Variants in MYH6 observed in about 807,000 individuals in gnomAD.
MYH6 encodes the protein myosin-6.
A neutral mutation model predicts 223.2 loss-of-function variants in MYH6; 126 were observed. The ratio of observed to expected loss-of-function variants is 0.56; its 90% CI spans 0.49 to 0.65. MYH6 has a LOEUF of 0.65. Among genes scored for constraint, MYH6 ranks in the 30% least tolerant of loss-of-function variants. The pLI is 0.00. For missense variants in MYH6, 2,040 were observed against 2,536.4 expected (o/e 0.80, Z 4.20); for synonymous variants, 978 against 1,010.2 (o/e 0.97, Z 0.61).
Position 23,386,892 on chromosome 14 carries a change from C to T in MYH6, c.4651-269G>A, listed in dbSNP as rs143567683. ...AACACTGCATAAATTCCTGACCTGT[C>T]TAAAGTATTATAGAAAATGGAGGAA... On this transcript the variant is annotated intron_variant, in intron 32 of 38. Coordinates refer to ENST00000405093, the MANE Select transcript of MYH6 (RefSeq NM_002471.4). Among the ~76,000 whole-genome samples, 17 of 152,196 alleles carry T rather than the reference C, an allele frequency of 1.1e-4. No homozygotes were observed. In the East Asian group the frequency reaches 3.3e-3, roughly 29 times the overall value.
At chr14:23,388,442 G>C in intron 29 of MYH6, 104 bp from the exon 30 acceptor site, 3 of 1,538,474 alleles carry the variant, frequency 1.9e-6, no homozygotes, top group Non-Finnish European at 2.7e-6. Context: ...TTGAGACACC[G>C]TAAGTCCAGC....
At position 23,400,426 on chromosome 14, in the gene MYH6, A is replaced by G. The variant is rs576180356; in HGVS notation, c.1411T>C (p.Phe471Leu). The G allele has an allele frequency of 6.2e-7, 1 of 1,614,032 alleles. No individual in the cohort carries two copies. Among genetic ancestry groups the G allele is most frequent in the African/African-American group, 1.3e-5 (1 of 75,010 alleles). ...LDIAGFEIFD[F>L]NSFEQLCINF... ...ATGCAGAGCTGCTCAAAGCTGTTGA[A>G]CTGCAGGGGGCATGAGGGGTGGGAG... The change falls in exon 14 of 39, where the codon TTC becomes CTC. Residue 471 changes from phenylalanine (F) to leucine (L), a missense_variant and splice_region_variant. Phe to Leu is a conservative substitution (Grantham distance 22, BLOSUM62 0). Coordinates refer to ENST00000405093, the MANE Select transcript of MYH6 (RefSeq NM_002471.4).
chr14:23,397,280 A>C, intron 16 of MYH6, 23 bp from the exon 17 acceptor site: 1 of 1,608,090 alleles, frequency 6.2e-7, no homozygotes, highest in Non-Finnish European at 8.5e-7. Flanking sequence ...GAAGGTGGGG[A>C]GTTAGGAGCC....
rs963577601 is a variant in MYH6, at chr14:23,401,007, C to A, written c.1142-30G>T. 1.9e-6 allele frequency: 3 copies of A among 1,607,282 alleles called. No homozygotes were observed. In the African/African-American group the frequency reaches 4.1e-5, roughly 22 times the overall value. ...TTGAGAGGGAAAGGATAAGTGAGCA[C>A]TTCCTTTTTTTTTTTTTAAGATAGA... On this transcript the variant is annotated intron_variant, in intron 12 of 38. Coordinates refer to ENST00000405093, the MANE Select transcript of MYH6 (RefSeq NM_002471.4).
chr14:23,388,870 G>A lies in MYH6; in HGVS notation c.4164C>T (p.Leu1388=), dbSNP rs201379347. 19 of 1,613,636 alleles carry A rather than the reference G, an allele frequency of 1.2e-5. No individual in the cohort carries two copies. Among genetic ancestry groups the A allele is most frequent in the African/African-American group, 5.3e-5 (4 of 74,896 alleles). Residue 1388 remains leucine, a synonymous_variant, in exon 29 of 39, where the codon CTC becomes CTT. Coordinates refer to ENST00000405093, the MANE Select transcript of MYH6 (RefSeq NM_002471.4). ...ETDAIQRTEE[L]EEAKKKLAQR... ...TATCTGGAGCTCACTTGGCCTCTTC[G>A]AGCTCCTCAGTCCGCTGAATGGCGT...
At chr14:23,392,874 A>T in intron 24 of MYH6, 38 bp downstream of exon 24, 8 of 1,611,008 alleles carry the variant, frequency 5.0e-6, no homozygotes, top group Non-Finnish European at 6.8e-6. Context: ...CAGGCCAGAC[A>T]CCTCCATTAG....
chr14:23,389,101 C>A lies in MYH6; in HGVS notation c.3979-46G>T, dbSNP rs953055948. ...CAGGAGGTGGGAGGGACTCCCTGTGCCCCATTCTCTAGATTCTCTTCTTAT... is the reference window on the plus strand; with the variant it reads ...CAGGAGGTGGGAGGGACTCCCTGTGACCCATTCTCTAGATTCTCTTCTTAT... On this transcript the variant is annotated intron_variant, in intron 28 of 38. Coordinates refer to ENST00000405093, the MANE Select transcript of MYH6 (RefSeq NM_002471.4). 6 of 1,551,894 alleles carry A rather than the reference C, an allele frequency of 3.9e-6. No individual in the cohort carries two copies. In the East Asian group the frequency reaches 1.4e-4, roughly 35 times the overall value.
At chr14:23,402,913 A>T in intron 10 of MYH6, 113 bp from the exon 11 acceptor site, 3 of 780,796 alleles carry the variant, frequency 3.8e-6, no homozygotes, top group Non-Finnish European at 6.5e-6. Context: ...GACGGGGTGA[A>T]TGGAGGAAGG....
At chr14:23,384,812 C>T in intron 35 of MYH6, 95 bp from the exon 36 acceptor site, 1 of 1,613,338 alleles carries the variant, frequency 6.2e-7, no homozygotes, top group Non-Finnish European at 8.5e-7. Flanking sequence ...CCCTCAAATC[C>T]ACAGAACTGC....
rs779988946 is a variant in MYH6, at chr14:23,389,426, C to T, written c.3945G>A (p.Glu1315=). 2.5e-6 allele frequency: 4 copies of T among 1,614,188 alleles called. No homozygotes were observed. In the Admixed American group the frequency reaches 6.7e-5, roughly 27 times the overall value. ...RGKLSYTQQM[E]DLKRQLEEEG... ...CCTCCTCCAGCTGCCTTTTGAGGTC[C>T]TCCATTTGCTGGGTATAAGAGAGCT... The change falls in exon 28 of 39, where the codon GAG becomes GAA. Residue 1315 remains glutamate (E), a synonymous_variant. Transcript: ENST00000405093.
Position 23,393,786 on chromosome 14 carries a change from C to T in MYH6, c.2808G>A (p.Ala936=), listed in dbSNP as rs753515476. 4.2e-5 allele frequency: 67 copies of T among 1,614,096 alleles called. No homozygotes were observed. The highest frequency in any genetic ancestry group is 5.2e-5 in the Non-Finnish European group (61 of 1,180,040). ...ERLEDEEEMN[A]ELTAKKRKLE... is the part of the protein sequence containing the mutation. ...GCTTGCGCTTCTTGGCAGTGAGCTC[C>T]GCGTTCATCTCCTCCTCATCCTCCA... Residue 936 remains alanine (A), a synonymous_variant, in exon 22 of 39, where the codon GCG becomes GCA. Coordinates refer to ENST00000405093, the MANE Select transcript of MYH6 (RefSeq NM_002471.4).
intron 8 of MYH6, 68 bp from the exon 9 acceptor site, chr14:23,403,846 C>G (rs1054465587): frequency 7.3e-7 from 1 of 1,374,260 alleles, no homozygotes; most frequent in Non-Finnish European, 1.0e-6. Flanking sequence ...GCCCTCTGTT[C>G]AGCCCAGAAG....
At chr14:23,393,627 G>A in intron 22 of MYH6, 39 bp downstream of exon 22, 1 of 1,614,186 alleles carries the variant, frequency 6.2e-7, no homozygotes, top group Non-Finnish European at 8.5e-7. Flanking sequence ...TGGGAGTCTT[G>A]AGGAGACCTG....
intron 32 of MYH6, among the ~76,000 whole-genome samples, chr14:23,387,072 T>C (rs1361336719): frequency 1.3e-5 from 2 of 152,226 alleles, no homozygotes; most frequent in Admixed American, 1.3e-4. Context: ...TTAAATGTGT[T>C]ACCTCATTTA....
intron 28 of MYH6, 60 bp from the exon 29 acceptor site, chr14:23,389,115 T>G: frequency 1.3e-6 from 2 of 1,525,300 alleles, no homozygotes; most frequent in Non-Finnish European, 1.8e-6. Context: ...ATTCTCTAGA[T>G]TCTCTTCTTA....
intron 36 of MYH6, 21 bp from the exon 37 acceptor site, chr14:23,383,341 G>GGGGGGGGGGGGGCCCCCCCCCC: frequency 1.8e-6 from 1 of 556,582 alleles, no homozygotes; most frequent in East Asian, 4.9e-5. Flanking sequence ...GAGGGTGGGA[G>GGGGGGGGGGGGGCCCCCCCCCC]AAGCTGGTTT....
chr14:23,403,812 C>T (rs11850295), intron 8 of MYH6, 34 bp from the exon 9 acceptor site: 57,980 of 1,569,362 alleles, frequency 0.037, 1,437 homozygotes, highest in African/African-American at 0.11. Context: ...AGGGAACTGG[C>T]GGGAAGGACA....
At position 23,384,756 on chromosome 14, in the gene MYH6, G is replaced by A. The variant is rs773311134; in HGVS notation, c.5290-39C>T. ...AGAGGTGGCAAGGAACATGGGCCAG[G>A]GGCCGGGGCCTTTTGCCCCCCAAGG... On this transcript the variant is annotated intron_variant, in intron 35 of 38. Transcript: ENST00000405093. 7.4e-6 allele frequency: 12 copies of A among 1,614,028 alleles called. No homozygotes were observed. The East Asian group carries it at 2.7e-4, about 36-fold the overall frequency.
intron 36 of MYH6, among the ~76,000 whole-genome samples, chr14:23,384,187 A>AT (rs1323984625): frequency 7.8e-6 from 1 of 128,420 alleles, no homozygotes; most frequent in Non-Finnish European, 1.6e-5. Context: ...ACTTAGAGTT[A>AT]TTAAAAAAAA....
Sources: allele counts gnomAD v4.1 joint callset (sites outside exome capture counted in the v4.1 genomes callset), GRCh38; gene constraint gnomAD v4.1.1; transcripts MANE v1.5; gene names NCBI Gene and HGNC (gene_info 2026-07-23, HGNC 2026-07-21).